Variants in PLA2G4A observed in about 807,000 individuals in gnomAD.
PLA2G4A encodes phospholipase A2 group IVA, also known as cytosolic phospholipase A2.
PLA2G4A carries 40 observed loss-of-function variants against 81.9 expected under a neutral mutation model. The ratio of observed to expected loss-of-function variants is 0.49; its 90% CI spans 0.38 to 0.64. The LOEUF (loss-of-function observed/expected upper bound fraction) is 0.64. Among genes scored for constraint, PLA2G4A ranks in the 30% least tolerant of loss-of-function variants. PLA2G4A has a pLI of 0.00. For synonymous variants in PLA2G4A, 302 were observed against 296.9 expected (o/e 1.02, Z -0.18); for missense variants, 715 against 905.1 (o/e 0.79, Z 2.69).
intron 8 of PLA2G4A, among the ~76,000 whole-genome samples, chr1:186,935,801 T>A (rs113614264): frequency 3.3e-5 from 5 of 151,962 alleles, no homozygotes; most frequent in African/African-American, 1.2e-4. Context: ...CGGCCATTAT[T>A]TGGTATAAGT....
chr1:186,863,761 ATTT>A (rs35282734), intron 2 of PLA2G4A, among the ~76,000 whole-genome samples: 39 of 78,238 alleles, frequency 5.0e-4, no homozygotes, highest in East Asian at 3.2e-3. Context: ...CAAATATATA[ATTT>A]TTTTTTTTTT....
At chr1:186,921,098 G>A (rs1305878383) in intron 7 of PLA2G4A, among the ~76,000 whole-genome samples, 3 of 152,072 alleles carry the variant, frequency 2.0e-5, no homozygotes, top group East Asian at 3.9e-4. Flanking sequence ...GTAGTCTTTT[G>A]AGCCCCTTTC....
intron 2 of PLA2G4A, among the ~76,000 whole-genome samples, chr1:186,868,324 C>T (rs188340806): frequency 2.4e-3 from 361 of 152,096 alleles, no homozygotes; most frequent in African/African-American, 8.3e-3. Flanking sequence ...GTGATCCGCC[C>T]GCTTCCGCCT....
chr1:186,857,075 T>TATAATATATATTATATA lies in PLA2G4A; in HGVS notation c.33+2690_33+2691insAATATATATTATATAAT, dbSNP rs371016060. Among the ~76,000 whole-genome samples, 14 of 4,208 alleles carry TATAATATATATTATATA rather than the reference T, an allele frequency of 3.3e-3. 5 individuals carry two copies. Among genetic ancestry groups the TATAATATATATTATATA allele is most frequent in the African/African-American group, 0.019 (10 of 534 alleles). The allele number at this position is 4,208 out of a possible 152,430, so 2.8% of individuals were successfully genotyped here. The stretch of plus-strand genomic sequence containing the variant: ...GTGTCTGCCATGCAGCCCCCACATA[T>TATAATATATATTATATA]ATTATACATATATAATATATAATAT... On this transcript the variant is annotated intron_variant, in intron 2 of 17. Coordinates refer to ENST00000367466, the MANE Select transcript of PLA2G4A (RefSeq NM_024420.3).
chr1:186,841,057 T>C (rs2102006803), intron 1 of PLA2G4A, among the ~76,000 whole-genome samples: 1 of 152,362 alleles, frequency 6.6e-6, no homozygotes, highest in South Asian at 2.1e-4. Context: ...CTCTTTTAAG[T>C]AGAAGTCAGA....
intron 14 of PLA2G4A, among the ~76,000 whole-genome samples, chr1:186,962,890 AAT>A (rs1657009896): frequency 6.6e-6 from 1 of 152,202 alleles, no homozygotes; most frequent in Non-Finnish European, 1.5e-5. Context: ...TTTCTAAAGT[AAT>A]AGTGTCACAC....
chr1:186,944,574 T>C (rs1656271436), intron 10 of PLA2G4A, among the ~76,000 whole-genome samples: 1 of 152,172 alleles, frequency 6.6e-6, no homozygotes, highest in Non-Finnish European at 1.5e-5. Flanking sequence ...CACTTTCTGA[T>C]GAAGAATATA....
chr1:186,930,233 T>C (rs1274687125), intron 7 of PLA2G4A, among the ~76,000 whole-genome samples: 3 of 152,238 alleles, frequency 2.0e-5, no homozygotes, highest in Admixed American at 6.5e-5. Flanking sequence ...ATTATTCAAC[T>C]TTACGTACAA....
chr1:186,947,952 T>C (rs1656401250), intron 12 of PLA2G4A, among the ~76,000 whole-genome samples: 2 of 152,178 alleles, frequency 1.3e-5, no homozygotes. Context: ...AAGCTGTCCT[T>C]GGTTATCCCA....
chr1:186,973,861 T>C (rs1415491371), intron 15 of PLA2G4A, among the ~76,000 whole-genome samples: 5 of 152,132 alleles, frequency 3.3e-5, no homozygotes, highest in African/African-American at 1.2e-4. Flanking sequence ...GCTTCAATAA[T>C]TTTTTAAGAT....
chr1:186,892,758 T>C (rs1654190942), intron 3 of PLA2G4A, among the ~76,000 whole-genome samples: 1 of 152,204 alleles, frequency 6.6e-6, no homozygotes, highest in Admixed American at 6.5e-5. Context: ...CCTCTCTAGA[T>C]AGATGGAGGA....
chr1:186,965,626 A>T (rs750187725), intron 15 of PLA2G4A, 33 bp downstream of exon 15: 1 of 1,452,116 alleles, frequency 6.9e-7, no homozygotes, highest in East Asian at 2.3e-5. Flanking sequence ...TCCATTCTCT[A>T]CCACATTCTC....
chr1:186,967,994 A>G (rs548483816), intron 15 of PLA2G4A, among the ~76,000 whole-genome samples: 1 of 152,250 alleles, frequency 6.6e-6, no homozygotes, highest in African/African-American at 2.4e-5. Context: ...ATAATGAAGT[A>G]CTACTGCACC....
At position 186,887,508 on chromosome 1, in the gene PLA2G4A, T is replaced by G. The variant is rs551947521; in HGVS notation, c.116-5503T>G. Among the ~76,000 whole-genome samples the G allele has an allele frequency of 1.6e-4, 25 of 152,246 alleles. No homozygotes were observed. The East Asian group carries it at 4.6e-3, about 28-fold the overall frequency. On this transcript the variant is annotated intron_variant, in intron 3 of 17. Transcript: ENST00000367466. ...TTTATGGGAAGAAAAAAGATCTGTA[T>G]TCCACACCCCCGACATTTTTTGTTT...
chr1:186,936,802 G>T (rs1655961823), intron 8 of PLA2G4A, among the ~76,000 whole-genome samples: 1 of 151,716 alleles, frequency 6.6e-6, no homozygotes, highest in Non-Finnish European at 1.5e-5. Context: ...AGAATGAGGT[G>T]TCTTATCATA....
rs114574033 is a variant in PLA2G4A, at chr1:186,870,836, C to T, written c.115+320C>T. 3,751 of 760,742 alleles carry T rather than the reference C, an allele frequency of 4.9e-3. 28 individuals are homozygous for T. Among genetic ancestry groups the T allele is most frequent in the Middle Eastern group, 0.013 (55 of 4,096 alleles). 47.1% of individuals were successfully genotyped at this position (760,742 alleles called of 1,614,324 possible). A position where few individuals can be genotyped will look rare whatever the true frequency, so the allele number is the denominator to read the frequency against. On this transcript the variant is annotated intron_variant, in intron 3 of 17. Transcript: ENST00000367466. ...TTCCTTGACAAATCAGAGGTTCTGCCTTCTTCAAATGTGGTTATGTTTGTC... is the reference window on the plus strand; with the variant it reads ...TTCCTTGACAAATCAGAGGTTCTGCTTTCTTCAAATGTGGTTATGTTTGTC...
chr1:186,973,707 T>C (rs954700437), intron 15 of PLA2G4A, among the ~76,000 whole-genome samples: 3 of 152,252 alleles, frequency 2.0e-5, no homozygotes, highest in Admixed American at 1.3e-4. Flanking sequence ...ACATTAGATA[T>C]AGAAAATTAT....
chr1:186,946,583 C>T, intron 10 of PLA2G4A, 54 bp from the exon 11 acceptor site: 1 of 1,228,918 alleles, frequency 8.1e-7, no homozygotes, highest in Non-Finnish European at 1.2e-6. Flanking sequence ...TTGTGCACAC[C>T]ATGCCATAGC....
intron 2 of PLA2G4A, among the ~76,000 whole-genome samples, chr1:186,857,143 T>TA (rs1231966327): frequency 0.39 from 14,883 of 38,470 alleles, 3,246 homozygotes; most frequent in Non-Finnish European, 0.46. Context: ...TATTATATAA[T>TA]TATATAATTA....
Sources: gnomAD v4.1 joint callset for allele counts (sites outside exome capture counted in the v4.1 genomes callset) on GRCh38, gnomAD v4.1.1 for gene constraint, MANE v1.5 for transcripts, NCBI Gene and HGNC (gene_info 2026-07-23, HGNC 2026-07-21) for gene names.